The following RALYL variants were observed in gnomAD, a reference collection of about 807,000 sequenced individuals.
The protein encoded by RALYL is RNA-binding Raly-like protein.
A neutral mutation model predicts 35.1 loss-of-function variants in RALYL; 29 were observed. That is an observed-to-expected ratio of 0.83 (90% CI 0.61 to 1.13). The LOEUF (loss-of-function observed/expected upper bound fraction) is 1.13. Ranked by LOEUF, RALYL falls within the 50% of genes most tolerant of loss-of-function variation. The pLI is 0.00. For missense variants in RALYL, 359 were observed against 360.4 expected (o/e 1.00, Z 0.03); for synonymous variants, 120 against 127.6 (o/e 0.94, Z 0.40).
rs550138515 is a variant in RALYL, at chr8:84,846,912, T to C, written c.366-3068T>C. ...TTTAGAGAGCCAACTTTTGGTTTTATTGATCTTTTGTGTAGATTTTCACAT... is the reference window on the plus strand; with the variant it reads ...TTTAGAGAGCCAACTTTTGGTTTTACTGATCTTTTGTGTAGATTTTCACAT... On this transcript the variant is annotated intron_variant, in intron 4 of 8. Transcript: ENST00000521268. 5.9e-5 allele frequency among the ~76,000 whole-genome samples: 9 copies of C among 152,332 alleles called. No individual in the cohort carries two copies. The East Asian group carries it at 9.7e-4, about 16-fold the overall frequency.
chr8:84,322,056 A>G (rs1210617018), intron 1 of RALYL, among the ~76,000 whole-genome samples: 1 of 152,132 alleles, frequency 6.6e-6, no homozygotes, highest in African/African-American at 2.4e-5. Context: ...GGAGAAACAG[A>G]CAAAATCACT....
At position 84,469,193 on chromosome 8, in the gene RALYL, T is replaced by C. The variant is rs543448909; in HGVS notation, c.-23-60106T>C. Among the ~76,000 whole-genome samples the C allele has an allele frequency of 1.2e-3, 186 of 152,306 alleles. 2 individuals are homozygous for C. The highest frequency in any genetic ancestry group is 1.2e-3 in the Non-Finnish European group (81 of 68,026). Reference sequence around the variant, plus strand: ...TTGTTCCATTGCTGGTGAGGAACTGTGTTCCTTTGGAGGAGGAGAGGCTCT... The same window carrying C: ...TTGTTCCATTGCTGGTGAGGAACTGCGTTCCTTTGGAGGAGGAGAGGCTCT... On this transcript the variant is annotated intron_variant, in intron 1 of 8. Coordinates refer to ENST00000521268, the MANE Select transcript of RALYL (RefSeq NM_173848.7).
At chr8:84,775,986 CTCCCAGA>C (rs1382789997) in intron 3 of RALYL, among the ~76,000 whole-genome samples, 4 of 152,114 alleles carry the variant, frequency 2.6e-5, no homozygotes, top group African/African-American at 9.7e-5. Context: ...ATTTGGTTTT[CTCCCAGA>C]TACATATCAT....
intron 2 of RALYL, among the ~76,000 whole-genome samples, chr8:84,622,865 G>T (rs1347297285): frequency 1.3e-5 from 2 of 152,146 alleles, no homozygotes; most frequent in Non-Finnish European, 2.9e-5. Flanking sequence ...CCAAGTCGTT[G>T]TTATCTACGT....
chr8:84,281,345 T>A (rs1836512307), intron 1 of RALYL, among the ~76,000 whole-genome samples: 2 of 152,266 alleles, frequency 1.3e-5, no homozygotes, highest in Middle Eastern at 6.8e-3. Context: ...GGAAGGAAAA[T>A]TGAGATGGAG....
chr8:84,525,342 C>A (rs2058798481), intron 1 of RALYL, among the ~76,000 whole-genome samples: 1 of 152,076 alleles, frequency 6.6e-6, no homozygotes, highest in Non-Finnish European at 1.5e-5. Flanking sequence ...TGTAACATTT[C>A]TTTGACTGTT....
intron 1 of RALYL, among the ~76,000 whole-genome samples, chr8:84,352,393 G>C (rs1851068387): frequency 6.6e-6 from 1 of 150,390 alleles, no homozygotes; most frequent in African/African-American, 2.5e-5. Context: ...ACAAATCCTT[G>C]AAAATCCCAA....
chr8:84,552,926 G>C (rs574475534), intron 2 of RALYL, among the ~76,000 whole-genome samples: 1 of 152,100 alleles, frequency 6.6e-6, no homozygotes, highest in South Asian at 2.1e-4. Context: ...TCAATAACAT[G>C]ATTAAAGATC....
At chr8:84,892,112 A>G (rs1467744449) in intron 8 of RALYL, among the ~76,000 whole-genome samples, 2 of 152,220 alleles carry the variant, frequency 1.3e-5, no homozygotes, top group African/African-American at 4.8e-5. Context: ...CAGACTATCT[A>G]CATAATGTCT....
chr8:84,185,352 GA>G (rs1248480234), intron 1 of RALYL: 1 of 318,634 alleles, frequency 3.1e-6, no homozygotes, highest in African/African-American at 2.1e-5. Flanking sequence ...GGGCAGGAGT[GA>G]GGGGTTGGTG....
chr8:84,528,190 T>A (rs711053), intron 1 of RALYL, among the ~76,000 whole-genome samples: 146,120 of 152,254 alleles, frequency 0.96, 70,158 homozygotes, highest in East Asian at 1. Flanking sequence ...ACTGACAAAC[T>A]GTATCAATTA....
At chr8:84,529,220 TA>T in intron 1 of RALYL, 78 bp from the exon 2 acceptor site, 1 of 1,459,628 alleles carries the variant, frequency 6.9e-7, no homozygotes, top group Non-Finnish European at 9.2e-7. Flanking sequence ...GAAAAACTGT[TA>T]AAAAGCCACT....
chr8:84,390,663 C>G (rs139286171), intron 1 of RALYL, among the ~76,000 whole-genome samples: 4,433 of 151,884 alleles, frequency 0.029, 207 homozygotes, highest in African/African-American at 0.1. Context: ...ATGGTAGTTT[C>G]TATTTCTGTG....
At chr8:84,826,473 A>AT (rs1829731863) in intron 4 of RALYL, among the ~76,000 whole-genome samples, 1 of 152,038 alleles carries the variant, frequency 6.6e-6, no homozygotes, top group African/African-American at 2.4e-5. Context: ...TGAGAAAAAA[A>AT]TTTTACCAGT....
chr8:84,195,000 T>A (rs1814874899), intron 1 of RALYL, among the ~76,000 whole-genome samples: 1 of 151,976 alleles, frequency 6.6e-6, no homozygotes, highest in Non-Finnish European at 1.5e-5. Flanking sequence ...GCAACATTTG[T>A]CCAATAAAAT....
intron 2 of RALYL, among the ~76,000 whole-genome samples, chr8:84,563,494 C>T (rs773107733): frequency 6.6e-6 from 1 of 151,646 alleles, no homozygotes; most frequent in Non-Finnish European, 1.5e-5. Context: ...AGAGTCTTAT[C>T]TTAGAAGAAC....
intron 1 of RALYL, among the ~76,000 whole-genome samples, chr8:84,324,520 G>C (rs776422767): frequency 6.6e-6 from 1 of 151,554 alleles, no homozygotes; most frequent in African/African-American, 2.4e-5. Context: ...ATTCAAAGGA[G>C]TTTCATTACG....
chr8:84,765,032 G>A (rs1051673872), intron 2 of RALYL, among the ~76,000 whole-genome samples: 40 of 152,246 alleles, frequency 2.6e-4, no homozygotes, highest in Admixed American at 7.2e-4. Context: ...TGTTTCCTCA[G>A]AGTAAAAGCA....
intron 1 of RALYL, among the ~76,000 whole-genome samples, chr8:84,375,027 T>C (rs1856640078): frequency 6.6e-6 from 1 of 151,790 alleles, no homozygotes; most frequent in Non-Finnish European, 1.5e-5. Context: ...TTTTTGAAAA[T>C]TTTTACATTT....
Sources: allele counts gnomAD v4.1 joint callset (sites outside exome capture counted in the v4.1 genomes callset), GRCh38; gene constraint gnomAD v4.1.1; transcripts MANE v1.5; gene names NCBI Gene and HGNC (gene_info 2026-07-23, HGNC 2026-07-21).